L3MBTL3: variants seen among roughly 807,000 people sequenced by gnomAD.
L3MBTL3 encodes lethal(3)malignant brain tumor-like protein 3.
L3MBTL3 carries 27 observed loss-of-function variants against 102.3 expected under a neutral mutation model. That is an observed-to-expected ratio of 0.26 (90% CI 0.19 to 0.36). The LOEUF is 0.36. Ranked by LOEUF, L3MBTL3 falls within the 10% of genes least tolerant of loss-of-function variation. The pLI is 1.00. For missense variants in L3MBTL3, 798 were observed against 955.3 expected, an observed-to-expected ratio of 0.84 and a Z score of 2.17; for synonymous variants, 340 against 320.9, an observed-to-expected ratio of 1.06 and a Z score of -0.64.
chr6:130,069,080 A>G (rs533573925), intron 12 of L3MBTL3, among the ~76,000 whole-genome samples: 3 of 152,182 alleles, frequency 2.0e-5, no homozygotes, highest in African/African-American at 4.8e-5. Context: ...TCTGCAGACA[A>G]ATAAGCTTGA....
At chr6:130,048,214 G>A (rs546658398) in intron 3 of L3MBTL3, among the ~76,000 whole-genome samples, 21 of 152,304 alleles carry the variant, frequency 1.4e-4, no homozygotes, top group Middle Eastern at 6.8e-3. Context: ...TTGGCAAATG[G>A]AGGGCCTTGC....
chr6:130,125,083 GTAACAGAAGT>G (rs1471790402), intron 20 of L3MBTL3, among the ~76,000 whole-genome samples: 18 of 152,328 alleles, frequency 1.2e-4, no homozygotes, highest in African/African-American at 4.3e-4. Flanking sequence ...GCTCCGTGCT[GTAACAGAAGT>G]TATGCTTAGA....
Position 130,092,196 on chromosome 6 carries a change from G to A in L3MBTL3, c.1519-549G>A, listed in dbSNP as rs183871447. Among the ~76,000 whole-genome samples the A allele has an allele frequency of 2.5e-3, 373 of 151,986 alleles. 1 individual carries two copies. Among genetic ancestry groups the A allele is most frequent in the Non-Finnish European group, 3.8e-3 (256 of 67,922 alleles). ...GAGAAATACTGTAGTTATTTGCAAGGAAAAAATGATATCTAAAAACACACT... is the reference window on the plus strand; with the variant it reads ...GAGAAATACTGTAGTTATTTGCAAGAAAAAAATGATATCTAAAAACACACT... On this transcript the variant is annotated intron_variant, in intron 16 of 22. Coordinates refer to ENST00000361794, the MANE Select transcript of L3MBTL3 (RefSeq NM_032438.4).
chr6:130,043,633 A>G (rs1213126675), intron 3 of L3MBTL3, among the ~76,000 whole-genome samples: 1 of 152,146 alleles, frequency 6.6e-6, no homozygotes, highest in Non-Finnish European at 1.5e-5. Flanking sequence ...CATCTCCCCA[A>G]CAGGCCATTG....
At chr6:130,042,653 A>G in intron 2 of L3MBTL3, 32 bp from the exon 3 acceptor site, 1 of 1,239,310 alleles carries the variant, frequency 8.1e-7, no homozygotes, top group South Asian at 1.2e-5. Context: ...CATGTGGAAT[A>G]TTTAGTGATA....
Position 130,035,282 on chromosome 6 carries a change from C to G in L3MBTL3, c.-15-7403C>G, listed in dbSNP as rs1584290427. Among the ~76,000 whole-genome samples, 3 of 152,268 alleles carry G rather than the reference C, an allele frequency of 2.0e-5. No homozygotes were observed. In the Middle Eastern group the frequency reaches 0.01, roughly 518 times the overall value. On this transcript the variant is annotated intron_variant, in intron 2 of 22. Coordinates refer to ENST00000361794, the MANE Select transcript of L3MBTL3 (RefSeq NM_032438.4). ...AATATAAGATATTAACTAGTTTAATCACCACCTGATGTAAGTGGTACATGG... is the reference window on the plus strand; with the variant it reads ...AATATAAGATATTAACTAGTTTAATGACCACCTGATGTAAGTGGTACATGG...
At chr6:130,062,530 C>A (rs1214553771) in intron 10 of L3MBTL3, among the ~76,000 whole-genome samples, 1 of 149,440 alleles carries the variant, frequency 6.7e-6, no homozygotes, top group Non-Finnish European at 1.5e-5. Context: ...GGACCACAGG[C>A]GTGTACCACC....
At chr6:130,053,293 C>A (rs1781222794) in intron 7 of L3MBTL3, among the ~76,000 whole-genome samples, 1 of 152,126 alleles carries the variant, frequency 6.6e-6, no homozygotes, top group African/African-American at 2.4e-5. Context: ...TTCCTCTTGA[C>A]AACACAATGC....
intron 20 of L3MBTL3, among the ~76,000 whole-genome samples, chr6:130,122,142 T>C (rs1786265400): frequency 6.6e-6 from 1 of 152,152 alleles, no homozygotes; most frequent in Non-Finnish European, 1.5e-5. Context: ...AAAATGTCAG[T>C]CTGATTATGA....
intron 7 of L3MBTL3, 132 bp from the exon 8 acceptor site, chr6:130,055,035 TCTTA>T (rs1781374903): frequency 1.5e-6 from 1 of 678,518 alleles, no homozygotes; most frequent in Non-Finnish European, 2.6e-6. Context: ...TGAACTATAT[TCTTA>T]CTTTCCTTAA....
intron 6 of L3MBTL3, among the ~76,000 whole-genome samples, chr6:130,052,252 G>T (rs768877071): frequency 6.6e-6 from 1 of 151,876 alleles, no homozygotes. Flanking sequence ...GACTACAGGC[G>T]CACGCCACCA....
chr6:130,105,016 T>C (rs1305533657), intron 19 of L3MBTL3, among the ~76,000 whole-genome samples: 1 of 152,228 alleles, frequency 6.6e-6, no homozygotes, highest in Non-Finnish European at 1.5e-5. Flanking sequence ...CATTTAATTA[T>C]TAATATGTTA....
chr6:130,051,121 T>A (rs1007379220), intron 5 of L3MBTL3, 128 bp from the exon 6 acceptor site: 7 of 676,688 alleles, frequency 1.0e-5, no homozygotes, highest in Admixed American at 3.0e-5. Flanking sequence ...CATTTGATCA[T>A]TCATTCATTC....
Position 130,039,512 on chromosome 6 carries a change from T to C in L3MBTL3, c.-15-3173T>C, listed in dbSNP as rs116018737. On this transcript the variant is annotated intron_variant, in intron 2 of 22. Transcript: ENST00000361794. ...TCCTTGCTCATCTTTTTTTGTAGTTTACAGTATTGGCTTTCAGACTTTTTG... is the reference window on the plus strand; with the variant it reads ...TCCTTGCTCATCTTTTTTTGTAGTTCACAGTATTGGCTTTCAGACTTTTTG... Among the ~76,000 whole-genome samples, 1,157 of 152,092 alleles carry C rather than the reference T, an allele frequency of 7.6e-3. 20 individuals are homozygous for C. The highest frequency in any genetic ancestry group is 0.026 in the African/African-American group (1,090 of 41,554).
intron 19 of L3MBTL3, among the ~76,000 whole-genome samples, chr6:130,108,870 T>C (rs1785168317): frequency 1.3e-5 from 2 of 151,978 alleles, no homozygotes; most frequent in African/African-American, 2.4e-5. Context: ...TGTCCCCCGC[T>C]GACAGGCCCC....
chr6:130,086,280 G>A (rs766176447), intron 16 of L3MBTL3, 30 bp downstream of exon 16: 8 of 1,416,626 alleles, frequency 5.6e-6, no homozygotes, highest in Admixed American at 2.0e-5. Context: ...GGTTGGCTTT[G>A]TCTTTTGTTA....
intron 18 of L3MBTL3, among the ~76,000 whole-genome samples, chr6:130,098,591 A>G (rs1784495453): frequency 6.6e-6 from 1 of 152,288 alleles, no homozygotes; most frequent in South Asian, 2.1e-4. Context: ...GGATTTATTG[A>G]TGACTTCCTA....
At position 130,133,491 on chromosome 6, in the gene L3MBTL3, G is replaced by A. The variant is rs749485551; in HGVS notation, c.2006G>A (p.Arg669Gln). 3.1e-6 allele frequency: 5 copies of A among 1,613,918 alleles called. No individual in the cohort carries two copies. Among genetic ancestry groups the A allele is most frequent in the East Asian group, 2.2e-5 (1 of 44,888 alleles). Residue 669 changes from arginine to glutamine, a missense_variant, in exon 21 of 23, where the codon CGG becomes CAG. By Grantham distance (43) the Arg-to-Gln change is conservative. Around this residue, in one of 4 missense-constraint regions of L3MBTL3, gnomAD observed 306 missense variants for 314.4 expected, o/e 0.97. Transcript: ENST00000361794. This position sits in a 1 kb window ranked among gnomAD's most constrained non-coding sequence, Gnocchi z 4.9. ...EEPTVQQAQR[R>Q]SAVFLSFKSP... ...CCCACCGTCCAGCAGGCACAGCGTC[G>A]GTCAGCTGTCTTTCTGTCCTTTAAG...
At chr6:130,045,431 T>C (rs1343943903) in intron 3 of L3MBTL3, among the ~76,000 whole-genome samples, 1 of 152,208 alleles carries the variant, frequency 6.6e-6, no homozygotes, top group Non-Finnish European at 1.5e-5. Context: ...TACTCTCTGC[T>C]GAACACTCTA....
Sources: allele counts gnomAD v4.1 joint callset (sites outside exome capture counted in the v4.1 genomes callset), GRCh38; gene constraint gnomAD v4.1.1; regional missense constraint gnomAD v4.1.1; non-coding constraint Gnocchi (gnomAD v3.1); transcripts MANE v1.5; gene names NCBI Gene and HGNC (gene_info 2026-07-23, HGNC 2026-07-21).